The following COA7 variants were observed in gnomAD, a reference collection of about 807,000 sequenced individuals.
The protein encoded by COA7 is Sel1 repeat containing 1.
Under a neutral mutation model 21.0 loss-of-function variants are expected in COA7, and 12 were observed. The observed-to-expected ratio is 0.57, with a 90% CI of 0.37 to 0.92. The LOEUF (loss-of-function observed/expected upper bound fraction) is 0.92, where lower values mean the gene tolerates loss of function less well. Among genes scored for constraint, COA7 ranks in the 40% least tolerant of loss-of-function variants. The pLI, the probability that COA7 is intolerant of heterozygous loss-of-function variation, is 0.01. For missense variants in COA7, 240 were observed against 286.1 expected (o/e 0.84, Z 1.16); for synonymous variants, 95 against 107.4 (o/e 0.88, Z 0.72).
In COA7 at chr1:52,687,794, C is replaced by A. The variant is rs141260822; in HGVS notation, c.622G>T (p.Glu208Ter). ...TGCTGGGCTCGATTTTTTAGCACCT[C>A]GGCCTTGGCCTCATCCTTATCAACA... ...DGVDKDEAKA[E>*]VLKNRAQQLH... The change falls in exon 3 of 3, where the codon GAG becomes TAG. Residue 208 changes from glutamate to a stop codon, truncating the protein, a stop_gained. Transcript: ENST00000371538. LOFTEE classifies it high-confidence loss of function. 2.5e-6 allele frequency: 4 copies of A among 1,614,140 alleles called. No individual in the cohort carries two copies. The South Asian group carries it at 3.3e-5, about 13-fold the overall frequency.
chr1:52,691,823 CAAG>C (rs200125062), intron 2 of COA7, among the ~76,000 whole-genome samples: 2,088 of 152,220 alleles, frequency 0.014, 45 homozygotes, highest in African/African-American at 0.048. Context: ...CCTTCCTCTT[CAAG>C]AAGTGGAATT....
intron 2 of COA7, among the ~76,000 whole-genome samples, chr1:52,690,884 T>G (rs1571717843): frequency 6.6e-6 from 1 of 150,676 alleles, no homozygotes; most frequent in Non-Finnish European, 1.5e-5. Context: ...CCAAGGCGGG[T>G]GGATCGTTTG....
chr1:52,689,362 G>A (rs985224286), intron 2 of COA7, among the ~76,000 whole-genome samples: 3 of 150,648 alleles, frequency 2.0e-5, no homozygotes, highest in Admixed American at 6.6e-5. Flanking sequence ...CACCACGTTG[G>A]TCAGGCTAGT....
At position 52,686,297 on chromosome 1, in the gene COA7, A is replaced by C. The variant is rs750967617; in HGVS notation, c.*1423T>G. 6 of 152,238 alleles carry C rather than the reference A, an allele frequency of 3.9e-5. No individual in the cohort carries two copies. The highest frequency in any genetic ancestry group is 2.1e-4 in the South Asian group (1 of 4,830). 9.4% of individuals were successfully genotyped at this position (152,238 alleles called of 1,614,324 possible). ...ACTTGAGAGGCTGGCTGCTGTGCTC[A>C]CAAGCCTTCATTTACACAGCAAGCC... On this transcript the variant is annotated 3_prime_UTR_variant, in exon 3 of 3. Transcript: ENST00000371538.
At position 52,687,515 on chromosome 1, in the gene COA7, C is replaced by G. The variant is rs1644014206; in HGVS notation, c.*205G>C. 1.7e-6 allele frequency: 1 copy of G among 601,716 alleles called. No homozygotes were observed. The highest frequency in any genetic ancestry group is 3.0e-6 in the Non-Finnish European group (1 of 335,184). 37.3% of individuals were successfully genotyped at this position (601,716 alleles called of 1,614,324 possible). A position where few individuals can be genotyped will look rare whatever the true frequency, so the allele number is the denominator to read the frequency against. ...ACTGTAATAAACATTGTACAGAACA[C>G]CCAGATAAAGGAATATTGACTGAAA... On this transcript the variant is annotated 3_prime_UTR_variant, in exon 3 of 3. Transcript: ENST00000371538.
chr1:52,695,161 G>A (rs1301803583), intron 1 of COA7, among the ~76,000 whole-genome samples: 2 of 152,118 alleles, frequency 1.3e-5, no homozygotes, highest in Non-Finnish European at 2.9e-5. Flanking sequence ...AGGCTTGGTG[G>A]CGCACGCTTG....
At chr1:52,690,980 C>T (rs989695332) in intron 2 of COA7, among the ~76,000 whole-genome samples, 11 of 152,050 alleles carry the variant, frequency 7.2e-5, no homozygotes, top group African/African-American at 9.6e-5. Context: ...TAGTGGCAAA[C>T]GCCCCTGTAA....
chr1:52,692,516 A>T (rs1367176605), intron 2 of COA7, among the ~76,000 whole-genome samples: 1 of 152,206 alleles, frequency 6.6e-6, no homozygotes, highest in Non-Finnish European at 1.5e-5. Flanking sequence ...TCAAGGTCCC[A>T]CTACTTGCCA....
intron 1 of COA7, among the ~76,000 whole-genome samples, chr1:52,696,800 C>A (rs1342051057): frequency 6.9e-6 from 1 of 145,762 alleles, no homozygotes; most frequent in East Asian, 2.0e-4. Context: ...CCACACCAGT[C>A]CTTTATTTGA....
In COA7 at chr1:52,698,239, G is replaced by C; in HGVS notation, c.88C>G (p.His30Asp). ...CGCTCACCGTCCGGGTCCTTCTCGT[G>C]GTAGCAGTGGTAGTTGCACTCCACC... is the stretch of plus-strand genomic sequence containing the variant. The part of the protein sequence containing the change: ...MEVECNYHCY[H>D]EKDPDGCYRL... The change falls in exon 1 of 3, where the codon CAC (histidine) becomes GAC (aspartate). Residue 30 changes from histidine to aspartate, a missense_variant. Physicochemically the swap from His to Asp is moderately conservative, Grantham distance 81. Around this residue, in one of 3 missense-constraint regions of COA7, gnomAD observed 71 missense variants for 54.7 expected, o/e 1.30. Transcript: ENST00000371538. 1 of 1,611,670 alleles carries C rather than the reference G, an allele frequency of 6.2e-7. No individual in the cohort carries two copies. Among genetic ancestry groups the C allele is most frequent in the Non-Finnish European group, 8.5e-7 (1 of 1,179,072 alleles).
At chr1:52,696,816 A>AG (rs1298732581) in intron 1 of COA7, among the ~76,000 whole-genome samples, 4 of 151,654 alleles carry the variant, frequency 2.6e-5, no homozygotes, top group Non-Finnish European at 4.4e-5. Context: ...TTTGAAAGAA[A>AG]AAAAAAAAAA....
At chr1:52,695,787 G>A (rs1558104629) in intron 1 of COA7, among the ~76,000 whole-genome samples, 1 of 152,116 alleles carries the variant, frequency 6.6e-6, no homozygotes, top group African/African-American at 2.4e-5. Flanking sequence ...TACACCAGTC[G>A]CTACGGTAAC....
rs751642799 is a variant in COA7 at position 52,687,919 on chromosome 1, T to G, written c.497A>C (p.Lys166Thr). ...MFLQGAPGFP[K>T]DMDLACKYSM... is the part of the protein sequence containing the mutation. ...GTATTTACATGCCAGGTCCATGTCC[T>G]TGGGAAAGCCTGGGGCACCCTGCAG... The change falls in exon 3 of 3, where the codon AAG (lysine) becomes ACG (threonine). Residue 166 changes from lysine to threonine, a missense_variant. By Grantham distance (78) the Lys-to-Thr change is moderately conservative. Coordinates refer to ENST00000371538, the MANE Select transcript of COA7 (RefSeq NM_023077.3). 1 of 1,614,258 alleles carries G rather than the reference T, an allele frequency of 6.2e-7. No individual in the cohort carries two copies. Among genetic ancestry groups the G allele is most frequent in the South Asian group, 1.1e-5 (1 of 91,090 alleles).
Position 52,698,310 on chromosome 1 carries a change from T to C in COA7, c.17A>G (p.Asp6Gly), listed in dbSNP as rs780572767. The C allele has an allele frequency of 8.7e-6, 14 of 1,611,604 alleles. No individual in the cohort carries two copies. In the East Asian group the frequency reaches 2.7e-4, roughly 31 times the overall value. Residue 6 changes from aspartate to glycine, a missense_variant, in exon 1 of 3, where the codon GAC becomes GGC. By Grantham distance (94) the Asp-to-Gly change is moderately conservative. Transcript: ENST00000371538. Reference sequence around the variant, plus strand: ...CTTGACCTGCTCCTCATCCTGGAAGTCCACCATGCCGGCCATGGTTCGCGC... The same window carrying C: ...CTTGACCTGCTCCTCATCCTGGAAGCCCACCATGCCGGCCATGGTTCGCGC... MAGMVDFQDEEQVKSF... is the reference protein window; with the variant it reads MAGMVGFQDEEQVKSF...
chr1:52,694,296 T>A (rs924562805), intron 1 of COA7, among the ~76,000 whole-genome samples: 1 of 152,006 alleles, frequency 6.6e-6, no homozygotes, highest in Admixed American at 6.6e-5. Context: ...TCGTCTCTAC[T>A]AAAAATACGA....
At position 52,684,625 on chromosome 1, in the gene COA7, CATT is replaced by C. The variant is rs1473566983; in HGVS notation, c.*3092_*3094del. ...AATTGATGAACCTACACTGACACAT[CATT>C]ATCACTCAAAGTCCACAGTTTACAT... On this transcript the variant is annotated 3_prime_UTR_variant, in exon 3 of 3. Transcript: ENST00000371538. 1 of 152,144 alleles carries C rather than the reference CATT, an allele frequency of 6.6e-6. No individual in the cohort carries two copies. The highest frequency in any genetic ancestry group is 1.5e-5 in the Non-Finnish European group (1 of 68,042). 9.4% of individuals were successfully genotyped at this position (152,144 alleles called of 1,614,324 possible). A position where few individuals can be genotyped will look rare whatever the true frequency, so the allele number is the denominator to read the frequency against.
At chr1:52,690,860 AGCATTTTGGG>A (rs1644040264) in intron 2 of COA7, among the ~76,000 whole-genome samples, 1 of 152,026 alleles carries the variant, frequency 6.6e-6, no homozygotes, top group Non-Finnish European at 1.5e-5. Context: ...CTGTAATCCC[AGCATTTTGGG>A]AGGCCAAGGC....
chr1:52,689,655 C>T (rs1441617247), intron 2 of COA7, among the ~76,000 whole-genome samples: 1 of 151,016 alleles, frequency 6.6e-6, no homozygotes, highest in African/African-American at 2.4e-5. Flanking sequence ...TTTGGGAGGC[C>T]GAGGTGGGCG....
Position 52,684,977 on chromosome 1 carries a change from C to T in COA7, c.*2743G>A, listed in dbSNP as rs1643991308. 1 of 152,184 alleles carries T rather than the reference C, an allele frequency of 6.6e-6. No individual in the cohort carries two copies. The highest frequency in any genetic ancestry group is 1.5e-5 in the Non-Finnish European group (1 of 68,034). The allele number at this position is 152,184 out of a possible 1,614,324, so 9.4% of individuals were successfully genotyped here. On this transcript the variant is annotated 3_prime_UTR_variant, in exon 3 of 3. Coordinates refer to ENST00000371538, the MANE Select transcript of COA7 (RefSeq NM_023077.3). Reference sequence around the variant, plus strand: ...ATAATTTGTCATAGCTTGATTTAAGCACTGAATAATGACTACATGCACCAC... The same window carrying T: ...ATAATTTGTCATAGCTTGATTTAAGTACTGAATAATGACTACATGCACCAC...
Sources: gnomAD v4.1 joint callset for allele counts (sites outside exome capture counted in the v4.1 genomes callset) on GRCh38, gnomAD v4.1.1 for gene constraint, gnomAD v4.1.1 regional missense constraint, MANE v1.5 for transcripts, NCBI Gene and HGNC (gene_info 2026-07-23, HGNC 2026-07-21) for gene names.